The following RB1 variants were observed in gnomAD, a reference collection of about 807,000 sequenced individuals.
The protein encoded by RB1 is retinoblastoma-associated protein.
A neutral mutation model predicts 135.4 loss-of-function variants in RB1; 18 were observed. The ratio of observed to expected loss-of-function variants is 0.13; its 90% confidence interval spans 0.09 to 0.20. The LOEUF (loss-of-function observed/expected upper bound fraction) is 0.20, where lower values mean the gene tolerates loss of function less well. Ranked by LOEUF, RB1 falls within the 10% of genes least tolerant of loss-of-function variation. The pLI is 1.00. For synonymous variants in RB1, 365 were observed against 373.2 expected, an observed-to-expected ratio of 0.98 and a Z score of 0.25; for missense variants, 868 against 1,110.0, an observed-to-expected ratio of 0.78 and a Z score of 3.10.
chr13:48,345,397 T>A (rs1952483748), intron 4 of RB1, among the ~76,000 whole-genome samples, 198 bp downstream of exon 4: 2 of 152,212 alleles, frequency 1.3e-5, no homozygotes, highest in Admixed American at 1.3e-4. Context: ...CCTGGAAAAT[T>A]AACCGTTTTA....
At chr13:48,378,652 A>G (rs904739341) in intron 13 of RB1, among the ~76,000 whole-genome samples, 3 of 152,196 alleles carry the variant, frequency 2.0e-5, no homozygotes, top group Admixed American at 6.5e-5. Flanking sequence ...AAATACATAA[A>G]CCAGTAACAT....
At chr13:48,368,961 G>A (rs1273390534) in intron 11 of RB1, among the ~76,000 whole-genome samples, 3 of 152,148 alleles carry the variant, frequency 2.0e-5, no homozygotes, top group South Asian at 2.1e-4. Flanking sequence ...AGCTGAGATC[G>A]TGCCATTGCA....
chr13:48,323,730 A>G (rs182315537), intron 2 of RB1, among the ~76,000 whole-genome samples: 3 of 152,164 alleles, frequency 2.0e-5, no homozygotes, highest in Non-Finnish European at 2.9e-5. Context: ...ATTATTTACT[A>G]CAGCGTGTTT....
chr13:48,423,718 G>C (rs1231953248), intron 17 of RB1, among the ~76,000 whole-genome samples: 1 of 152,178 alleles, frequency 6.6e-6, no homozygotes, highest in Non-Finnish European at 1.5e-5. Flanking sequence ...GAGTATGTGA[G>C]ACTTAAAACA....
intron 2 of RB1, chr13:48,341,011 C>A (rs1952438345): frequency 6.6e-6 from 1 of 152,012 alleles, no homozygotes; most frequent in Non-Finnish European, 1.5e-5. Context: ...CATATAATCA[C>A]CACCATTAAG....
At chr13:48,369,201 C>G (rs902498388) in intron 11 of RB1, among the ~76,000 whole-genome samples, 5 of 152,176 alleles carry the variant, frequency 3.3e-5, no homozygotes, top group African/African-American at 1.2e-4. Context: ...AGGATTAGAA[C>G]TATTTTTTAT....
At chr13:48,394,889 A>C (rs1237227708) in intron 17 of RB1, among the ~76,000 whole-genome samples, 1 of 152,256 alleles carries the variant, frequency 6.6e-6, no homozygotes, top group Non-Finnish European at 1.5e-5. Flanking sequence ...ACAGTGCTCA[A>C]GCTCTGCTAA....
In RB1 at chr13:48,420,130, A is replaced by C. The variant is rs116101360; in HGVS notation, c.1696-32863A>C. On this transcript the variant is annotated intron_variant, in intron 17 of 26. Coordinates refer to ENST00000267163, the MANE Select transcript of RB1 (RefSeq NM_000321.3). ...TATCCTTGATGAATATCGACGTGAA[A>C]ACCCTCAATAAAATACTGGCAAACT... Among the ~76,000 whole-genome samples, 555 of 152,348 alleles carry C rather than the reference A, an allele frequency of 3.6e-3. 7 individuals are homozygous for C. Among genetic ancestry groups the C allele is most frequent in the African/African-American group, 0.013 (533 of 41,574 alleles).
In RB1 at chr13:48,381,432, G is replaced by T; in HGVS notation, c.1684G>T (p.Ala562Ser). The change falls in exon 17 of 27, where the codon GCA becomes TCA. Residue 562 changes from alanine to serine, a missense_variant. Physicochemically the swap from Ala to Ser is moderately conservative, Grantham distance 99. Around this residue, in one of 3 missense-constraint regions of RB1, gnomAD observed 641 missense variants for 791.3 expected, o/e 0.81. Coordinates refer to ENST00000267163, the MANE Select transcript of RB1 (RefSeq NM_000321.3). ...RCEHRIMESLAWLSDSPLFDL... is the reference protein window; with the variant it reads ...RCEHRIMESLSWLSDSPLFDL... Reference sequence around the variant, plus strand: ...TGAACATCGAATCATGGAATCCCTTGCATGGCTCTCAGTAAGTAGCTAAAT... The same window carrying T: ...TGAACATCGAATCATGGAATCCCTTTCATGGCTCTCAGTAAGTAGCTAAAT... The T allele has an allele frequency of 6.2e-7, 1 of 1,613,508 alleles. No homozygotes were observed. Among genetic ancestry groups the T allele is most frequent in the Non-Finnish European group, 8.5e-7 (1 of 1,179,676 alleles).
rs1031000284 is a variant in RB1 at position 48,434,873 on chromosome 13, C to T, written c.1696-18120C>T. On this transcript the variant is annotated intron_variant, in intron 17 of 26. Coordinates refer to ENST00000267163, the MANE Select transcript of RB1 (RefSeq NM_000321.3). ...CAGTATAATTTTCTGGAGATCCATT[C>T]ACGATATTGCATGTATCAATAGTTC... Among the ~76,000 whole-genome samples, 5 of 152,188 alleles carry T rather than the reference C, an allele frequency of 3.3e-5. No individual in the cohort carries two copies. The South Asian group carries it at 6.2e-4, about 19-fold the overall frequency.
intron 2 of RB1, among the ~76,000 whole-genome samples, chr13:48,315,102 G>C (rs925829456): frequency 6.6e-6 from 1 of 152,056 alleles, no homozygotes; most frequent in Admixed American, 6.6e-5. Context: ...GATAGAAACA[G>C]CATTGAACCT....
intron 2 of RB1, among the ~76,000 whole-genome samples, chr13:48,324,850 T>G (rs7319732): frequency 0.54 from 81,696 of 150,962 alleles, 26,545 homozygotes; most frequent in Middle Eastern, 0.72. Flanking sequence ...TTTGTTTTTT[T>G]TTTGTTTGTT....
chr13:48,308,424 C>T (rs1488622666), intron 2 of RB1, among the ~76,000 whole-genome samples: 1 of 152,016 alleles, frequency 6.6e-6, no homozygotes, highest in African/African-American at 2.4e-5. Flanking sequence ...GAGGCCCAGG[C>T]AGGTGATCAC....
At chr13:48,419,298 A>T (rs958043931) in intron 17 of RB1, among the ~76,000 whole-genome samples, 1 of 152,220 alleles carries the variant, frequency 6.6e-6, no homozygotes, top group Non-Finnish European at 1.5e-5. Context: ...TGGGAAAATA[A>T]TGAAATTAAG....
At chr13:48,375,049 CT>C (rs1041427115) in intron 12 of RB1, among the ~76,000 whole-genome samples, 9 of 152,174 alleles carry the variant, frequency 5.9e-5, no homozygotes, top group East Asian at 1.9e-4. Flanking sequence ...TAATTTCATT[CT>C]TTTTTTATGA....
chr13:48,307,204 C>T (rs2138033443), intron 1 of RB1, 76 bp from the exon 2 acceptor site: 1 of 1,249,114 alleles, frequency 8.0e-7, no homozygotes, highest in Non-Finnish European at 1.2e-6. Context: ...TATGTGCAAA[C>T]TATTGAAACA....
chr13:48,384,862 G>A (rs1948561095), intron 17 of RB1, among the ~76,000 whole-genome samples: 1 of 152,152 alleles, frequency 6.6e-6, no homozygotes, highest in Non-Finnish European at 1.5e-5. Flanking sequence ...CAATATATGA[G>A]TGTAAGATAC....
intron 2 of RB1, 81 bp downstream of exon 2, chr13:48,307,487 G>C (rs2138034876): frequency 7.3e-7 from 1 of 1,371,912 alleles, no homozygotes. Context: ...AAAATTGAAA[G>C]ATAGAAAAAT....
At chr13:48,305,800 C>T (rs1952076151) in intron 1 of RB1, among the ~76,000 whole-genome samples, 1 of 152,188 alleles carries the variant, frequency 6.6e-6, no homozygotes. Flanking sequence ...GAGCATCTTG[C>T]CTGGAGATGG....
Sources: allele counts gnomAD v4.1 joint callset (sites outside exome capture counted in the v4.1 genomes callset), GRCh38; gene constraint gnomAD v4.1.1; regional missense constraint gnomAD v4.1.1; transcripts MANE v1.5; gene names NCBI Gene and HGNC (gene_info 2026-07-23, HGNC 2026-07-21).